The following ATXN7L1 variants were observed in gnomAD, a reference collection of about 807,000 sequenced individuals.
ATXN7L1 encodes ataxin 7 like 1, also known as ataxin-7-like protein 1.
ATXN7L1 carries 15 observed loss-of-function variants against 70.8 expected under a neutral mutation model. The ratio of observed to expected loss-of-function variants is 0.21; its 90% CI spans 0.14 to 0.33. The LOEUF (loss-of-function observed/expected upper bound fraction) is 0.33, where lower values mean the gene tolerates loss of function less well. Among genes scored for constraint, ATXN7L1 ranks in the 10% least tolerant of loss-of-function variants. The pLI, the probability that ATXN7L1 is intolerant of heterozygous loss-of-function variation, is 1.00. For missense variants in ATXN7L1, 975 were observed against 1,097.1 expected (o/e 0.89, Z 1.57); for synonymous variants, 440 against 445.1 (o/e 0.99, Z 0.14).
intron 3 of ATXN7L1, among the ~76,000 whole-genome samples, chr7:105,777,653 C>T (rs923014327): frequency 6.6e-6 from 1 of 152,180 alleles, no homozygotes; most frequent in African/African-American, 2.4e-5. Flanking sequence ...CTTTTCTCTC[C>T]ATCTCCACGG....
In ATXN7L1 at chr7:105,863,095, C is replaced by G. The variant is rs191200834; in HGVS notation, c.250+12717G>C. Among the ~76,000 whole-genome samples the G allele has an allele frequency of 2.6e-5, 4 of 152,312 alleles. No homozygotes were observed. The East Asian group carries it at 7.7e-4, about 29-fold the overall frequency. On this transcript the variant is annotated intron_variant, in intron 2 of 11. Transcript: ENST00000419735. ...CCCTTCATGAAATTACTAACAATCC[C>G]AATGCCATGAGGGAAACTGAACAGC...
intron 4 of ATXN7L1, among the ~76,000 whole-genome samples, chr7:105,657,370 T>C (rs1479566599): frequency 6.6e-6 from 1 of 152,104 alleles, no homozygotes; most frequent in Non-Finnish European, 1.5e-5. Flanking sequence ...CCTATGTGTC[T>C]AGATCCAGCA....
At chr7:105,832,224 A>T (rs1811718476) in intron 2 of ATXN7L1, among the ~76,000 whole-genome samples, 1 of 152,202 alleles carries the variant, frequency 6.6e-6, no homozygotes, top group South Asian at 2.1e-4. Flanking sequence ...AGAAAAGAAC[A>T]GTGAAAAATT....
At chr7:105,643,315 G>A (rs1005070741) in intron 4 of ATXN7L1, among the ~76,000 whole-genome samples, 194 bp from the exon 5 acceptor site, 3 of 152,086 alleles carry the variant, frequency 2.0e-5, no homozygotes, top group East Asian at 1.9e-4. Flanking sequence ...GGGGGTGCGA[G>A]GCTGGCACAG....
At chr7:105,849,952 T>C (rs1814632189) in intron 2 of ATXN7L1, among the ~76,000 whole-genome samples, 1 of 152,348 alleles carries the variant, frequency 6.6e-6, no homozygotes, top group African/African-American at 2.4e-5. Flanking sequence ...TTTTCCTTGA[T>C]ACTCTATTTT....
At chr7:105,697,368 C>T (rs930940305) in intron 3 of ATXN7L1, among the ~76,000 whole-genome samples, 3 of 152,206 alleles carry the variant, frequency 2.0e-5, no homozygotes, top group African/African-American at 7.2e-5. Context: ...TTCTCAGGAA[C>T]GTTCCATGCT....
At chr7:105,796,125 G>A (rs541964138) in intron 2 of ATXN7L1, among the ~76,000 whole-genome samples, 1 of 152,294 alleles carries the variant, frequency 6.6e-6, no homozygotes, top group South Asian at 2.1e-4. Flanking sequence ...AGCACTTTGG[G>A]AGGCCGAGGC....
chr7:105,695,679 C>T (rs112689668), intron 3 of ATXN7L1, among the ~76,000 whole-genome samples: 5 of 152,150 alleles, frequency 3.3e-5, no homozygotes, highest in African/African-American at 4.8e-5. Context: ...TTTGGGGGAT[C>T]GCTTCTCTAA....
chr7:105,839,722 G>T (rs1257776605), intron 2 of ATXN7L1, among the ~76,000 whole-genome samples: 1 of 152,144 alleles, frequency 6.6e-6, no homozygotes, highest in Admixed American at 6.5e-5. Context: ...TGCACTCAGA[G>T]AGCCCATGAA....
At chr7:105,806,755 T>C (rs1373523437) in intron 2 of ATXN7L1, among the ~76,000 whole-genome samples, 1 of 151,788 alleles carries the variant, frequency 6.6e-6, no homozygotes, top group Non-Finnish European at 1.5e-5. Flanking sequence ...AGGTGAGTCA[T>C]GAGGAAGTGC....
chr7:105,857,698 G>A (rs1815936231), intron 2 of ATXN7L1, among the ~76,000 whole-genome samples: 1 of 152,120 alleles, frequency 6.6e-6, no homozygotes, highest in South Asian at 2.1e-4. Flanking sequence ...TGACTGTGTG[G>A]GATAATATTT....
chr7:105,643,664 C>T (rs1039678275), intron 4 of ATXN7L1, among the ~76,000 whole-genome samples: 3 of 152,246 alleles, frequency 2.0e-5, no homozygotes, highest in Admixed American at 6.5e-5. Context: ...TGCTGTCGGA[C>T]GGCTTCTGGA....
chr7:105,633,665 A>G (rs1335305272), intron 7 of ATXN7L1, among the ~76,000 whole-genome samples: 1 of 152,190 alleles, frequency 6.6e-6, no homozygotes, highest in Non-Finnish European at 1.5e-5. Context: ...GGTTGCCATG[A>G]GCCGAGATCA....
At chr7:105,766,727 C>A (rs1801306091) in intron 3 of ATXN7L1, among the ~76,000 whole-genome samples, 1 of 152,164 alleles carries the variant, frequency 6.6e-6, no homozygotes, top group South Asian at 2.1e-4. Context: ...CCATATGCTG[C>A]CTCATTTATC....
At chr7:105,664,575 G>GTGTGTGTATATATATA in intron 4 of ATXN7L1, among the ~76,000 whole-genome samples, 2,761 of 131,918 alleles carry the variant, frequency 0.021, 130 homozygotes, top group African/African-American at 0.073. Flanking sequence ...GTATGTGTGT[G>GTGTGTGTATATATATA]TATATATATA....
At chr7:105,616,109 A>G (rs960298223) in intron 9 of ATXN7L1, among the ~76,000 whole-genome samples, 9 of 152,178 alleles carry the variant, frequency 5.9e-5, no homozygotes, top group African/African-American at 2.2e-4. Flanking sequence ...CTGGGAAATC[A>G]TTTTCACTGT....
In ATXN7L1 at chr7:105,625,801, G is replaced by T. The variant is rs144178589; in HGVS notation, c.1203-1534C>A. 1.6e-4 allele frequency among the ~76,000 whole-genome samples: 25 copies of T among 152,252 alleles called. No individual in the cohort carries two copies. The East Asian group carries it at 4.8e-3, about 29-fold the overall frequency. ...GGCAAAACCAAAATCAAACACATCC[G>T]CATTAGCAGAAGAGTTAGATGAGGA... On this transcript the variant is annotated intron_variant, in intron 7 of 11. Coordinates refer to ENST00000419735, the MANE Select transcript of ATXN7L1 (RefSeq NM_020725.2).
intron 3 of ATXN7L1, among the ~76,000 whole-genome samples, chr7:105,753,952 G>A (rs1799486530): frequency 6.6e-6 from 1 of 151,642 alleles, no homozygotes; most frequent in African/African-American, 2.4e-5. Flanking sequence ...AAAGTTCTGA[G>A]ATCTAGTTAC....
At chr7:105,761,613 T>A (rs953072965) in intron 3 of ATXN7L1, 8 of 1,020,366 alleles carry the variant, frequency 7.8e-6, no homozygotes, top group Non-Finnish European at 9.8e-6. Flanking sequence ...CATGATCTTG[T>A]TCTATCAAAA....
Sources: gnomAD v4.1 joint callset for allele counts (sites outside exome capture counted in the v4.1 genomes callset) on GRCh38, gnomAD v4.1.1 for gene constraint, MANE v1.5 for transcripts, NCBI Gene and HGNC (gene_info 2026-07-23, HGNC 2026-07-21) for gene names.